The following SLC43A1 variants were observed in gnomAD, a reference collection of about 807,000 sequenced individuals.
SLC43A1 encodes solute carrier family 43 member 1.
SLC43A1 carries 31 observed loss-of-function variants against 59.5 expected under a neutral mutation model. The ratio of observed to expected loss-of-function variants is 0.52; its 90% CI spans 0.39 to 0.70. The LOEUF is 0.70. Among genes scored for constraint, SLC43A1 ranks in the 30% least tolerant of loss-of-function variants. The probability of loss-of-function intolerance (pLI) is 0.00; values close to 1 mark genes in which losing one functional copy is unlikely to be tolerated. For missense variants in SLC43A1, 598 were observed against 717.8 expected, an observed-to-expected ratio of 0.83 and a Z score of 1.91; for synonymous variants, 259 against 290.9, an observed-to-expected ratio of 0.89 and a Z score of 1.12.
chr11:57,491,801 C>G lies in SLC43A1; in HGVS notation c.933G>C (p.Met311Ile), dbSNP rs1008849688. 1 of 1,614,084 alleles carries G rather than the reference C, an allele frequency of 6.2e-7. No homozygotes were observed. The highest frequency in any genetic ancestry group is 1.3e-5 in the African/African-American group (1 of 74,926). ...SPTFLWSLLT[M>I]GMTQLRIIFY... ...AGATGATCCGCAGCTGGGTCATGCC[C>G]ATGGTGAGGAGGCTCCACAGGAAAG... The change falls in exon 9 of 15, where the codon ATG becomes ATC. Residue 311 changes from methionine to isoleucine, a missense_variant. Physicochemically the swap from Met to Ile is conservative, Grantham distance 10 (BLOSUM62 1). Coordinates refer to ENST00000278426, the MANE Select transcript of SLC43A1 (RefSeq NM_003627.6).
intron 8 of SLC43A1, 150 bp from the exon 9 acceptor site, chr11:57,492,012 C>T (rs1042150324): frequency 1.3e-6 from 1 of 764,718 alleles, no homozygotes; most frequent in Non-Finnish European, 2.1e-6. Flanking sequence ...TTCAGATTCA[C>T]TTGCCTCCAG....
chr11:57,509,003 C>G (rs1296131621), intron 2 of SLC43A1, among the ~76,000 whole-genome samples: 2 of 151,976 alleles, frequency 1.3e-5, no homozygotes, highest in African/African-American at 4.8e-5. Context: ...GTAATACCAG[C>G]TACTCAGGAG....
At chr11:57,503,099 C>A (rs1044595691) in intron 2 of SLC43A1, among the ~76,000 whole-genome samples, 1 of 151,994 alleles carries the variant, frequency 6.6e-6, no homozygotes, top group Non-Finnish European at 1.5e-5. Context: ...AAAGGCCTGG[C>A]AGATCCTGAG....
chr11:57,491,672 C>T (rs1424639517), intron 9 of SLC43A1, 44 bp downstream of exon 9: 2 of 1,614,202 alleles, frequency 1.2e-6, no homozygotes, highest in Non-Finnish European at 1.7e-6. Context: ...GCCAGGGTGA[C>T]CCGCCTGTGC....
intron 12 of SLC43A1, 53 bp from the exon 13 acceptor site, chr11:57,489,042 GGAA>G: frequency 6.4e-7 from 1 of 1,569,570 alleles, no homozygotes; most frequent in Non-Finnish European, 8.8e-7. Flanking sequence ...GGAGGCTGGA[GGAA>G]GGAGGGGTAG....
chr11:57,515,305 G>A lies in SLC43A1; in HGVS notation c.-14+139C>T, dbSNP rs113348934. On this transcript the variant is annotated intron_variant, in intron 1 of 14. Coordinates refer to ENST00000278426, the MANE Select transcript of SLC43A1 (RefSeq NM_003627.6). This position sits in a 1 kb window ranked among gnomAD's most constrained non-coding sequence, Gnocchi z 5.3. ...GACGCGCTTGGCGAGATGGGACACT[G>A]TGCCGCGGGACCGCGGGCGCAAGTA... 0.015 allele frequency: 2,305 copies of A among 152,968 alleles called. 36 individuals are homozygous for A. Among genetic ancestry groups the A allele is most frequent in the Admixed American group, 0.045 (684 of 15,304 alleles). The allele number at this position is 152,968 out of a possible 1,614,324, so 9.5% of individuals were successfully genotyped here.
chr11:57,499,602 G>A (rs571436765), intron 5 of SLC43A1: 1 of 152,408 alleles, frequency 6.6e-6, no homozygotes, highest in African/African-American at 2.4e-5. Flanking sequence ...CGGCCTTGCA[G>A]CGTGCGTGGC....
At chr11:57,504,069 C>A (rs866093913) in intron 2 of SLC43A1, among the ~76,000 whole-genome samples, 1 of 151,960 alleles carries the variant, frequency 6.6e-6, no homozygotes, top group South Asian at 2.1e-4. Flanking sequence ...TGGTGGTGGG[C>A]GCCCGTAGTC....
chr11:57,497,784 G>A lies in SLC43A1; in HGVS notation c.527C>T (p.Ala176Val), dbSNP rs761833502. 16 of 1,613,656 alleles carry A rather than the reference G, an allele frequency of 9.9e-6. No individual in the cohort carries two copies. Among genetic ancestry groups the A allele is most frequent in the Non-Finnish European group, 1.4e-5 (16 of 1,179,858 alleles). ...TLMALMIGSY[A>V]SSAITFPGIK... ...TCCTGGGAACGTAATGGCAGAAGAG[G>A]CGTAAGAGCCAATCATGAGGGCCAT... is the stretch of plus-strand genomic sequence containing the variant. The change falls in exon 6 of 15, where the codon GCC becomes GTC. Residue 176 changes from alanine to valine, a missense_variant. By Grantham distance (64) the Ala-to-Val change is moderately conservative. Transcript: ENST00000278426.
In SLC43A1 at chr11:57,514,949, A is replaced by G. The variant is rs1248871651; in HGVS notation, c.-14+495T>C. The G allele has an allele frequency of 1.0e-6, 1 of 969,550 alleles. No individual in the cohort carries two copies. Among genetic ancestry groups the G allele is most frequent in the Non-Finnish European group, 1.2e-6 (1 of 815,794 alleles). 60.1% of individuals were successfully genotyped at this position (969,550 alleles called of 1,614,324 possible). On this transcript the variant is annotated intron_variant, in intron 1 of 14. Transcript: ENST00000278426. This position sits in a 1 kb window ranked among gnomAD's most constrained non-coding sequence, Gnocchi z 5.5. Reference sequence around the variant, plus strand: ...GTGTGTTTACCAAAGGGAGGGAAAGAGCCCCAGCTCCCCCCGCCGCGGCCG... The same window carrying G: ...GTGTGTTTACCAAAGGGAGGGAAAGGGCCCCAGCTCCCCCCGCCGCGGCCG...
chr11:57,513,298 T>C (rs1213805044), intron 2 of SLC43A1, among the ~76,000 whole-genome samples: 1 of 152,210 alleles, frequency 6.6e-6, no homozygotes, highest in African/African-American at 2.4e-5. Context: ...AGCTCTCTCC[T>C]TCCCAGAATA....
At chr11:57,491,569 G>C (rs1448671902) in intron 10 of SLC43A1, 22 bp downstream of exon 10, 7 of 1,613,938 alleles carry the variant, frequency 4.3e-6, no homozygotes. Flanking sequence ...CGTGAGCCAG[G>C]GCCCTGCTTT....
At chr11:57,492,542 A>G (rs1206955618) in intron 8 of SLC43A1, among the ~76,000 whole-genome samples, 16 of 15,616 alleles carry the variant, frequency 1.0e-3, no homozygotes, top group East Asian at 5.1e-3. Context: ...TTGTGTATAT[A>G]TATATATATA....
intron 2 of SLC43A1, among the ~76,000 whole-genome samples, chr11:57,507,254 G>C (rs1265927133): frequency 6.6e-6 from 1 of 152,238 alleles, no homozygotes; most frequent in East Asian, 1.9e-4. Context: ...GATCACTTGA[G>C]GCCAGGGGTT....
At chr11:57,510,416 C>T (rs1433037281) in intron 2 of SLC43A1, among the ~76,000 whole-genome samples, 1 of 139,374 alleles carries the variant, frequency 7.2e-6, no homozygotes, top group Non-Finnish European at 1.5e-5. Context: ...TGAGATCATG[C>T]CATTGCATTC....
At chr11:57,486,659 A>T (rs1446793716) in intron 14 of SLC43A1, among the ~76,000 whole-genome samples, 54 of 149,192 alleles carry the variant, frequency 3.6e-4, no homozygotes, top group African/African-American at 1.3e-3. Flanking sequence ...AAAAAAAAAA[A>T]TTAGCTGGGC....
At chr11:57,508,953 TA>T (rs1944458879) in intron 2 of SLC43A1, among the ~76,000 whole-genome samples, 1 of 151,724 alleles carries the variant, frequency 6.6e-6, no homozygotes, top group Non-Finnish European at 1.5e-5. Flanking sequence ...GCATCTTTAC[TA>T]AAAATACAAA....
rs773197881 is a variant in SLC43A1 at position 57,496,114 on chromosome 11, A to T, written c.609T>A (p.Ser203=). 2 of 1,614,206 alleles carry T rather than the reference A, an allele frequency of 1.2e-6. No homozygotes were observed. Among genetic ancestry groups the T allele is most frequent in the Non-Finnish European group, 1.7e-6 (2 of 1,180,042 alleles). ...TCAGAAAGATAAGGCAGGCCAGGCC[A>T]GACCAGGTGAACATGATGACCACGA... ...VAFVVIMFTW[S]GLACLIFLNC... The change falls in exon 7 of 15, where the codon TCT becomes TCA. Residue 203 remains serine (S), a synonymous_variant. Coordinates refer to ENST00000278426, the MANE Select transcript of SLC43A1 (RefSeq NM_003627.6).
intron 5 of SLC43A1, among the ~76,000 whole-genome samples, chr11:57,500,231 G>A (rs963681807): frequency 3.9e-4 from 59 of 152,308 alleles, no homozygotes; most frequent in Non-Finnish European, 8.8e-5. Context: ...GTTCAACCTA[G>A]TACACTCACA....
Sources: gnomAD v4.1 joint callset for allele counts (sites outside exome capture counted in the v4.1 genomes callset) on GRCh38, gnomAD v4.1.1 for gene constraint, Gnocchi (gnomAD v3.1) non-coding constraint, MANE v1.5 for transcripts, NCBI Gene and HGNC (gene_info 2026-07-23, HGNC 2026-07-21) for gene names.